Variants in POU2F3 observed in about 807,000 individuals in gnomAD.
POU2F3 encodes POU class 2 homeobox 3.
Under a neutral mutation model 59.2 loss-of-function variants are expected in POU2F3, and 23 were observed. That is an observed-to-expected ratio of 0.39 (90% confidence interval 0.28 to 0.55). The LOEUF is 0.55. Among genes scored for constraint, POU2F3 ranks in the 20% least tolerant of loss-of-function variants. The pLI is 0.66. For synonymous variants in POU2F3, 190 were observed against 214.6 expected (o/e 0.89, Z 1.00); for missense variants, 473 against 544.5 (o/e 0.87, Z 1.31).
intron 10 of POU2F3, among the ~76,000 whole-genome samples, chr11:120,310,795 A>G (rs1285814580): frequency 1.3e-5 from 2 of 152,188 alleles, no homozygotes; most frequent in East Asian, 3.8e-4. Flanking sequence ...CCTTCTATAT[A>G]TTGTGCCAAG....
In POU2F3 at chr11:120,292,069, A is replaced by G. The variant is rs555142632; in HGVS notation, c.133-6196A>G. 1.9e-3 allele frequency among the ~76,000 whole-genome samples: 293 copies of G among 152,214 alleles called. 1 individual carries two copies. Among genetic ancestry groups the G allele is most frequent in the African/African-American group, 6.8e-3 (281 of 41,540 alleles). On this transcript the variant is annotated intron_variant, in intron 3 of 12. Coordinates refer to ENST00000543440, the MANE Select transcript of POU2F3 (RefSeq NM_014352.4). ...GTGATCCACCAACCTCAGCCTCCCA[A>G]AGTGCTGGGATTACATGTGTGAGCC...
chr11:120,282,839 G>T (rs1940627724), intron 3 of POU2F3, among the ~76,000 whole-genome samples: 1 of 152,218 alleles, frequency 6.6e-6, no homozygotes, highest in South Asian at 2.1e-4. Context: ...ATCCTAACAA[G>T]AAATTTTTTA....
At chr11:120,260,418 A>AGAGGTG (rs1287513970) in intron 2 of POU2F3, among the ~76,000 whole-genome samples, 1 of 152,164 alleles carries the variant, frequency 6.6e-6, no homozygotes, top group Non-Finnish European at 1.5e-5. Context: ...CAAGGGGAGG[A>AGAGGTG]GAGGTGGAGG....
At position 120,274,088 on chromosome 11, in the gene POU2F3, A is replaced by AAAGGAAGG. The variant is rs1304930734; in HGVS notation, c.132+4856_132+4863dup. Among the ~76,000 whole-genome samples, 435 of 95,590 alleles carry AAAGGAAGG rather than the reference A, an allele frequency of 4.6e-3. 6 individuals carry two copies. The highest frequency in any genetic ancestry group is 0.017 in the African/African-American group (411 of 23,784). The allele number at this position is 95,590 out of a possible 152,430, so 62.7% of individuals were successfully genotyped here. On this transcript the variant is annotated intron_variant, in intron 3 of 12. Transcript: ENST00000543440. The stretch of plus-strand genomic sequence containing the variant: ...GAGAAAGAAAGAAAAAGAGAGAAAG[A>AAAGGAAGG]AAGGAAGGAAGGAAGGAAGAAAGGA...
chr11:120,246,385 C>T (rs1938874436), intron 1 of POU2F3, 64 bp from the exon 2 acceptor site: 3 of 1,513,184 alleles, frequency 2.0e-6, no homozygotes, highest in Middle Eastern at 3.4e-4. Flanking sequence ...TTAGTTAAAG[C>T]CACATATGTC....
chr11:120,238,909 A>G (rs1035042030), upstream of POU2F3, among the ~76,000 whole-genome samples: 1 of 151,988 alleles, frequency 6.6e-6, no homozygotes, highest in Non-Finnish European at 1.5e-5. Flanking sequence ...TAAAATGGCA[A>G]TAATCATAGT....
At chr11:120,238,660 C>A (rs374055259), upstream of POU2F3, among the ~76,000 whole-genome samples, 3 of 151,438 alleles carry the variant, frequency 2.0e-5, no homozygotes, top group Non-Finnish European at 4.4e-5. Context: ...GTGGTGAAAC[C>A]CTGTCTCTCC....
At chr11:120,302,523 C>A (rs1467304331) in intron 6 of POU2F3, 155 bp downstream of exon 6, 5 of 640,324 alleles carry the variant, frequency 7.8e-6, no homozygotes, top group South Asian at 2.4e-5. Context: ...GAAATCCAAG[C>A]TACAGCAAGT....
chr11:120,247,726 A>G (rs1228190766), intron 2 of POU2F3, among the ~76,000 whole-genome samples: 2 of 151,994 alleles, frequency 1.3e-5, no homozygotes, highest in Non-Finnish European at 2.9e-5. Context: ...AAGACTTTAA[A>G]CTCAGTTCAG....
chr11:120,249,430 C>T (rs949682979), intron 2 of POU2F3, among the ~76,000 whole-genome samples: 2 of 152,160 alleles, frequency 1.3e-5, no homozygotes, highest in Non-Finnish European at 2.9e-5. Context: ...ACTGCAGCCT[C>T]GAACTCCTGG....
intron 6 of POU2F3, chr11:120,303,122 G>C (rs1182155061): frequency 6.6e-6 from 1 of 152,274 alleles, no homozygotes; most frequent in Admixed American, 6.5e-5. Context: ...AGAGATCTCT[G>C]TGCTAAGATC....
At position 120,317,342 on chromosome 11, in the gene POU2F3, G is replaced by A. The variant is rs150057507; in HGVS notation, c.1249G>A (p.Ala417Thr). The A allele has an allele frequency of 1.4e-5, 22 of 1,614,030 alleles. No individual in the cohort carries two copies. The highest frequency in any genetic ancestry group is 1.2e-4 in the African/African-American group (9 of 74,910). Residue 417 changes from alanine (A) to threonine (T), a missense_variant, in exon 12 of 13, where the codon GCC becomes ACC. Ala to Thr is a moderately conservative substitution (Grantham distance 58). Coordinates refer to ENST00000543440, the MANE Select transcript of POU2F3 (RefSeq NM_014352.4). Reference sequence around the variant, plus strand: ...TAACTCCAAAGCAGCAGTGAACTCCGCCTCCAGTTTTAACTCTTCAGGGTA... The same window carrying A: ...TAACTCCAAAGCAGCAGTGAACTCCACCTCCAGTTTTAACTCTTCAGGGTA... ...QNNSKAAVNS[A>T]SSFNSSGSWY...
At chr11:120,286,165 G>A (rs552035520) in intron 3 of POU2F3, among the ~76,000 whole-genome samples, 72 of 152,280 alleles carry the variant, frequency 4.7e-4, no homozygotes, top group Non-Finnish European at 9.0e-4. Flanking sequence ...GATTACAGGC[G>A]TGAGCCACTG....
In POU2F3 at chr11:120,307,595, C is replaced by T; in HGVS notation, c.886C>T (p.Leu296=). The T allele has an allele frequency of 6.2e-7, 1 of 1,614,172 alleles. No homozygotes were observed. Among genetic ancestry groups the T allele is most frequent in the Non-Finnish European group, 8.5e-7 (1 of 1,180,018 alleles). ...TSIETNIRLT[L]EKRFQDNPKP... is the part of the protein sequence containing the mutation. The stretch of plus-strand genomic sequence containing the variant: ...CATCGAGACCAACATCCGCCTGACT[C>T]TGGAGAAGAGGTTTCAAGATGTGAG... Residue 296 remains leucine (L), a synonymous_variant, in exon 9 of 13, where the codon CTG becomes TTG. Coordinates refer to ENST00000543440, the MANE Select transcript of POU2F3 (RefSeq NM_014352.4).
rs1282894659 is a variant in POU2F3 at position 120,288,139 on chromosome 11, A to C, written c.133-10126A>C. 8.7e-5 allele frequency among the ~76,000 whole-genome samples: 13 copies of C among 149,008 alleles called. No homozygotes were observed. In the South Asian group the frequency reaches 2.6e-3, roughly 29 times the overall value. ...ACAAACAAAAAAACCAAAAAAAAAA[A>C]AAAAAAAAACAAGAAAAAAGGGCAG... On this transcript the variant is annotated intron_variant, in intron 3 of 12. Transcript: ENST00000543440.
At chr11:120,310,717 G>T (rs1189020790) in intron 10 of POU2F3, among the ~76,000 whole-genome samples, 1 of 152,164 alleles carries the variant, frequency 6.6e-6, no homozygotes, top group Non-Finnish European at 1.5e-5. Flanking sequence ...AGCCTTCTCA[G>T]GGTGGGACAC....
chr11:120,252,084 G>A (rs1356539133), intron 2 of POU2F3, among the ~76,000 whole-genome samples: 2 of 151,442 alleles, frequency 1.3e-5, no homozygotes, highest in African/African-American at 4.9e-5. Context: ...GTGAGCCACC[G>A]CGCCTGGCCT....
intron 2 of POU2F3, among the ~76,000 whole-genome samples, chr11:120,260,474 G>T (rs1049312563): frequency 6.6e-6 from 1 of 152,192 alleles, no homozygotes; most frequent in African/African-American, 2.4e-5. Flanking sequence ...TAGGATCCTT[G>T]GACTTTCCTC....
chr11:120,273,648 T>A (rs1940174805), intron 3 of POU2F3, among the ~76,000 whole-genome samples: 1 of 152,092 alleles, frequency 6.6e-6, no homozygotes, highest in South Asian at 2.1e-4. Context: ...GGATGAGTGA[T>A]GAACTGATGC....
Sources: gnomAD v4.1 joint callset for allele counts (sites outside exome capture counted in the v4.1 genomes callset) on GRCh38, gnomAD v4.1.1 for gene constraint, MANE v1.5 for transcripts, NCBI Gene and HGNC (gene_info 2026-07-23, HGNC 2026-07-21) for gene names.